The following SEMA3E variants were observed in gnomAD, a reference collection of about 807,000 sequenced individuals.
SEMA3E encodes the protein semaphorin 3E.
SEMA3E carries 49 observed loss-of-function variants against 93.6 expected under a neutral mutation model. The observed-to-expected ratio is 0.52, with a 90% confidence interval of 0.42 to 0.66. The LOEUF (loss-of-function observed/expected upper bound fraction) is 0.66, where lower values mean the gene tolerates loss of function less well. Ranked by LOEUF, SEMA3E falls within the 30% of genes least tolerant of loss-of-function variation. The pLI is 0.00. For missense variants in SEMA3E, 906 were observed against 964.8 expected (o/e 0.94, Z 0.81); for synonymous variants, 363 against 330.7 (o/e 1.10, Z -1.06).
At chr7:83,502,881 G>T (rs1790621863) in intron 1 of SEMA3E, among the ~76,000 whole-genome samples, 1 of 152,054 alleles carries the variant, frequency 6.6e-6, no homozygotes, top group Admixed American at 6.6e-5. Flanking sequence ...TTAAATGAAT[G>T]AACTTTTCTG....
chr7:83,379,209 A>G (rs1429468147), intron 16 of SEMA3E, among the ~76,000 whole-genome samples: 2 of 151,584 alleles, frequency 1.3e-5, no homozygotes, highest in African/African-American at 4.8e-5. Context: ...AATTGGATAT[A>G]TGGAGTGGAA....
chr7:83,574,008 GCT>G (rs907082003), intron 1 of SEMA3E, among the ~76,000 whole-genome samples: 4 of 151,958 alleles, frequency 2.6e-5, no homozygotes, highest in African/African-American at 9.7e-5. Context: ...TCAAAAATAT[GCT>G]CTCTTTAATC....
chr7:83,580,138 C>T (rs1364216973), intron 1 of SEMA3E, among the ~76,000 whole-genome samples: 1 of 151,982 alleles, frequency 6.6e-6, no homozygotes, highest in African/African-American at 2.4e-5. Flanking sequence ...AAGTCGATGA[C>T]ATCTTAAATC....
At chr7:83,454,272 A>ATAAT (rs1554327288) in intron 4 of SEMA3E, among the ~76,000 whole-genome samples, 1 of 110,136 alleles carries the variant, frequency 9.1e-6, no homozygotes, top group African/African-American at 4.3e-5. Context: ...AAAAAAAAAA[A>ATAAT]ATATATATAT....
intron 1 of SEMA3E, among the ~76,000 whole-genome samples, chr7:83,511,580 T>C (rs1469576919): frequency 6.6e-6 from 1 of 152,096 alleles, no homozygotes; most frequent in Admixed American, 6.6e-5. Flanking sequence ...TATTCTCCAA[T>C]AGCAACATTA....
intron 1 of SEMA3E, among the ~76,000 whole-genome samples, chr7:83,640,149 C>T (rs757977118): frequency 5.3e-5 from 8 of 151,756 alleles, no homozygotes; most frequent in Non-Finnish European, 1.2e-4. Flanking sequence ...CTCTTTTATT[C>T]TCATTTTCTT....
At chr7:83,648,250 A>G (rs2115731704) in intron 1 of SEMA3E, among the ~76,000 whole-genome samples, 178 bp downstream of exon 1, 1 of 152,210 alleles carries the variant, frequency 6.6e-6, no homozygotes, top group Non-Finnish European at 1.5e-5. Flanking sequence ...TGAGGTGAGT[A>G]TGACACATTA....
intron 1 of SEMA3E, among the ~76,000 whole-genome samples, chr7:83,497,237 A>G (rs1790506580): frequency 6.6e-6 from 1 of 152,166 alleles, no homozygotes; most frequent in Non-Finnish European, 1.5e-5. Context: ...TTGTCAAAAT[A>G]TATTTAAATG....
chr7:83,390,062 C>T (rs1241992381), intron 14 of SEMA3E, among the ~76,000 whole-genome samples: 3 of 110,284 alleles, frequency 2.7e-5, no homozygotes, highest in African/African-American at 1.1e-4. Flanking sequence ...TACGTGTGCA[C>T]ATATATGCGC....
At chr7:83,642,612 C>T (rs752375413) in intron 1 of SEMA3E, among the ~76,000 whole-genome samples, 4 of 152,002 alleles carry the variant, frequency 2.6e-5, no homozygotes, top group Non-Finnish European at 5.9e-5. Flanking sequence ...AATAATAACA[C>T]TGATGTTTTC....
At chr7:83,399,925 A>C (rs1014756398) in intron 11 of SEMA3E, 103 bp downstream of exon 11, 6 of 940,224 alleles carry the variant, frequency 6.4e-6, no homozygotes, top group Non-Finnish European at 8.7e-6. Context: ...AAATTGTTTA[A>C]CAGATGGACA....
At chr7:83,567,138 A>C (rs2115855029) in intron 1 of SEMA3E, among the ~76,000 whole-genome samples, 1 of 152,354 alleles carries the variant, frequency 6.6e-6, no homozygotes, top group Admixed American at 6.5e-5. Context: ...AGCAGACTTT[A>C]CGTCAGAAAC....
chr7:83,506,032 A>AATAT (rs869131366), intron 1 of SEMA3E, among the ~76,000 whole-genome samples: 273 of 119,680 alleles, frequency 2.3e-3, no homozygotes, highest in African/African-American at 8.2e-3. Flanking sequence ...AAAAAAAAAA[A>AATAT]ATATATATAT....
At chr7:83,548,965 C>T (rs1791707061) in intron 1 of SEMA3E, among the ~76,000 whole-genome samples, 2 of 152,218 alleles carry the variant, frequency 1.3e-5, no homozygotes, top group East Asian at 3.9e-4. Flanking sequence ...GAGCAACTTT[C>T]TCTTTCAGCC....
intron 10 of SEMA3E, among the ~76,000 whole-genome samples, chr7:83,401,058 CTGTT>C (rs1201094441): frequency 1.3e-5 from 2 of 152,128 alleles, no homozygotes; most frequent in African/African-American, 4.8e-5. Context: ...AAGACACTCT[CTGTT>C]TGCTGTAATC....
chr7:83,553,127 G>C (rs984079615), intron 1 of SEMA3E, among the ~76,000 whole-genome samples: 7 of 152,124 alleles, frequency 4.6e-5, no homozygotes, highest in African/African-American at 1.7e-4. Flanking sequence ...CCTACCGATA[G>C]GTGATGTCAC....
intron 1 of SEMA3E, among the ~76,000 whole-genome samples, chr7:83,528,064 T>C (rs59750207): frequency 0.13 from 19,768 of 152,052 alleles, 1,784 homozygotes; most frequent in African/African-American, 0.24. Context: ...AAATATATTC[T>C]TACATATAAT....
chr7:83,589,033 AAAG>A (rs1360176385), intron 1 of SEMA3E, among the ~76,000 whole-genome samples: 4 of 152,124 alleles, frequency 2.6e-5, no homozygotes, highest in African/African-American at 9.7e-5. Flanking sequence ...CAGGAATTGG[AAAG>A]GAGAGCTCTC....
intron 1 of SEMA3E, among the ~76,000 whole-genome samples, chr7:83,564,778 C>T (rs1792107186): frequency 6.6e-6 from 1 of 151,746 alleles, no homozygotes; most frequent in African/African-American, 2.4e-5. Flanking sequence ...GGAAAGATGA[C>T]AATTACATGG....
Sources: allele counts gnomAD v4.1 joint callset (sites outside exome capture counted in the v4.1 genomes callset), GRCh38; gene constraint gnomAD v4.1.1; transcripts MANE v1.5; gene names NCBI Gene and HGNC (gene_info 2026-07-23, HGNC 2026-07-21).